The following ATP8A2 variants were observed in gnomAD, a reference collection of about 807,000 sequenced individuals.
ATP8A2 encodes the protein ATPase phospholipid transporting 8A2.
In ATP8A2, 100 loss-of-function variants were observed where a neutral mutation model predicts 165.6. The ratio of observed to expected loss-of-function variants is 0.60; its 90% CI spans 0.51 to 0.71. The LOEUF (loss-of-function observed/expected upper bound fraction) is 0.71. Among genes scored for constraint, ATP8A2 ranks in the 30% least tolerant of loss-of-function variants. The pLI is 0.00. For missense variants in ATP8A2, 1,227 were observed against 1,479.5 expected (o/e 0.83, Z 2.80); for synonymous variants, 543 against 548.8 (o/e 0.99, Z 0.15).
chr13:25,712,767 A>G (rs903194397), intron 25 of ATP8A2, among the ~76,000 whole-genome samples: 4 of 152,224 alleles, frequency 2.6e-5, no homozygotes, highest in African/African-American at 9.6e-5. Flanking sequence ...TTTTCTAGTA[A>G]ACTGAATTGG....
chr13:25,811,078 A>T (rs80126343), intron 27 of ATP8A2, among the ~76,000 whole-genome samples: 2 of 145,294 alleles, frequency 1.4e-5, no homozygotes, highest in African/African-American at 5.1e-5. Context: ...AAAAAAAAAA[A>T]TGTCCATGAC....
At chr13:25,655,988 C>G (rs1209161212) in intron 24 of ATP8A2, among the ~76,000 whole-genome samples, 2 of 152,136 alleles carry the variant, frequency 1.3e-5, no homozygotes, top group African/African-American at 2.4e-5. Flanking sequence ...TACAACTGCA[C>G]TTGTTATTTC....
chr13:25,438,209 C>T (rs571101782), intron 1 of ATP8A2, among the ~76,000 whole-genome samples: 7 of 152,098 alleles, frequency 4.6e-5, no homozygotes, highest in Non-Finnish European at 1.0e-4. Context: ...CAGTGAATGT[C>T]AGAGAGGAGC....
intron 27 of ATP8A2, among the ~76,000 whole-genome samples, chr13:25,789,314 G>A (rs2045107958): frequency 6.6e-6 from 1 of 152,064 alleles, no homozygotes; most frequent in East Asian, 1.9e-4. Context: ...TTATTGCAAA[G>A]TTAGCTAAAA....
At chr13:25,572,939 A>G (rs1195879084) in intron 18 of ATP8A2, among the ~76,000 whole-genome samples, 1 of 152,192 alleles carries the variant, frequency 6.6e-6, no homozygotes, top group Non-Finnish European at 1.5e-5. Context: ...ATCTTATACA[A>G]AGTACCCATT....
chr13:25,841,786 T>A (rs1346026173), intron 30 of ATP8A2, among the ~76,000 whole-genome samples: 1 of 152,208 alleles, frequency 6.6e-6, no homozygotes, highest in Non-Finnish European at 1.5e-5. Context: ...CACCATAGAC[T>A]GGGTAATTTA....
At chr13:25,521,802 G>A (rs2037682016) in intron 2 of ATP8A2, among the ~76,000 whole-genome samples, 1 of 152,046 alleles carries the variant, frequency 6.6e-6, no homozygotes, top group African/African-American at 2.4e-5. Context: ...GCCTCCCAAT[G>A]GCTTCTCTAT....
At chr13:25,960,814 A>G (rs1196356878) in intron 33 of ATP8A2, among the ~76,000 whole-genome samples, 1 of 152,010 alleles carries the variant, frequency 6.6e-6, no homozygotes, top group Non-Finnish European at 1.5e-5. Flanking sequence ...TTCCCTCCCA[A>G]GCTATCCCTG....
intron 1 of ATP8A2, among the ~76,000 whole-genome samples, chr13:25,435,952 AGTGTGTGTGT>A (rs1448353061): frequency 2.5e-5 from 1 of 40,656 alleles, no homozygotes; most frequent in Non-Finnish European, 6.5e-5. Flanking sequence ...TGTGTGTGTG[AGTGTGTGTGT>A]GTGTGTGTGT....
intron 27 of ATP8A2, 78 bp downstream of exon 27, chr13:25,775,037 G>A: frequency 1.2e-6 from 1 of 825,894 alleles, no homozygotes; most frequent in Non-Finnish European, 2.0e-6. Context: ...GTCATTTCAA[G>A]GCAGGATTTT....
intron 33 of ATP8A2, among the ~76,000 whole-genome samples, chr13:25,900,231 G>T (rs1009495213): frequency 3.3e-5 from 5 of 152,136 alleles, no homozygotes; most frequent in Admixed American, 3.3e-4. Context: ...TTTATGAGAG[G>T]AGAAACATGT....
chr13:25,701,286 A>G (rs1484044610), intron 25 of ATP8A2, among the ~76,000 whole-genome samples: 1 of 152,096 alleles, frequency 6.6e-6, no homozygotes, highest in Non-Finnish European at 1.5e-5. Flanking sequence ...CCTGGGTTCT[A>G]TTTGAGCAGT....
chr13:25,779,937 T>A (rs1355001398), intron 27 of ATP8A2, among the ~76,000 whole-genome samples: 1 of 152,206 alleles, frequency 6.6e-6, no homozygotes, highest in Non-Finnish European at 1.5e-5. Context: ...CCTACACTAT[T>A]TAACAAACTA....
intron 34 of ATP8A2, among the ~76,000 whole-genome samples, chr13:25,961,987 A>G (rs567378174): frequency 6.6e-6 from 1 of 152,180 alleles, no homozygotes; most frequent in East Asian, 1.9e-4. Context: ...TCGTGCCACT[A>G]TACTCCAGCC....
intron 25 of ATP8A2, among the ~76,000 whole-genome samples, chr13:25,756,327 C>CTT (rs11379467): frequency 0.026 from 3,545 of 137,128 alleles, 93 homozygotes; most frequent in Middle Eastern, 0.046. Context: ...CTGTTGGATT[C>CTT]TTTTTTTTTT....
intron 33 of ATP8A2, among the ~76,000 whole-genome samples, chr13:25,919,878 C>T (rs979494749): frequency 6.6e-6 from 1 of 152,194 alleles, no homozygotes; most frequent in East Asian, 1.9e-4. Flanking sequence ...CCTTGAACTC[C>T]CACGCTCAGG....
At chr13:25,551,844 C>T (rs537419576) in intron 11 of ATP8A2, among the ~76,000 whole-genome samples, 62 of 152,128 alleles carry the variant, frequency 4.1e-4, no homozygotes, top group African/African-American at 1.4e-3. Flanking sequence ...GTCACTCCAG[C>T]GTACCTCCAT....
At chr13:25,731,433 A>AG (rs1203406114) in intron 25 of ATP8A2, among the ~76,000 whole-genome samples, 1 of 152,222 alleles carries the variant, frequency 6.6e-6, no homozygotes, top group African/African-American at 2.4e-5. Context: ...AATAAAGATA[A>AG]GGATTAAAGC....
intron 24 of ATP8A2, among the ~76,000 whole-genome samples, chr13:25,599,781 A>G (rs1475084929): frequency 1.3e-5 from 2 of 152,212 alleles, no homozygotes; most frequent in African/African-American, 4.8e-5. Flanking sequence ...AAAGCCATTG[A>G]ATGATCACTT....
Sources: gnomAD v4.1 joint callset for allele counts (sites outside exome capture counted in the v4.1 genomes callset) on GRCh38, gnomAD v4.1.1 for gene constraint, MANE v1.5 for transcripts, NCBI Gene and HGNC (gene_info 2026-07-23, HGNC 2026-07-21) for gene names.